Variants in RGPD6 observed in about 807,000 individuals in gnomAD.
RGPD6 encodes the protein RANBP2 like and GRIP domain containing 6.
chr2:110,604,722 A>G, the RGPD6 span, among the ~76,000 whole-genome samples: 2 of 150,778 alleles, frequency 1.3e-5, no homozygotes, highest in East Asian at 3.9e-4. Context: ...TCCAGGTTAA[A>G]AATTCCACTT....
At chr2:110,594,115 G>A in the RGPD6 span, among the ~76,000 whole-genome samples, 5 of 138,096 alleles carry the variant, frequency 3.6e-5, 1 homozygote, top group Non-Finnish European at 8.0e-5. Context: ...ATGTATTAAA[G>A]TATATAAAAG....
chr2:110,597,036 T>C, the RGPD6 span, among the ~76,000 whole-genome samples: 1 of 101,846 alleles, frequency 9.8e-6, no homozygotes, highest in African/African-American at 4.2e-5. Context: ...TGGAATGCAA[T>C]GGCGCAATCT....
chr2:110,605,194 C>CGAG, the RGPD6 span, among the ~76,000 whole-genome samples: 1 of 151,860 alleles, frequency 6.6e-6, no homozygotes, highest in East Asian at 1.9e-4. Context: ...TGCTTCCCAT[C>CGAG]GAGGGCCCCT....
the RGPD6 span, among the ~76,000 whole-genome samples, chr2:110,606,878 A>C: frequency 1.3e-5 from 2 of 151,702 alleles, no homozygotes; most frequent in Admixed American, 1.3e-4. Context: ...CTCTTTTCTG[A>C]ATCACCAGTG....
At chr2:110,604,499 C>A in the RGPD6 span, among the ~76,000 whole-genome samples, 2 of 143,150 alleles carry the variant, frequency 1.4e-5, no homozygotes, top group African/African-American at 5.3e-5. Flanking sequence ...TTGGGGCCAG[C>A]TGAATTCAGA....
At chr2:110,594,174 T>C in the RGPD6 span, among the ~76,000 whole-genome samples, 1 of 147,876 alleles carries the variant, frequency 6.8e-6, no homozygotes. Context: ...TTAAAACCCA[T>C]ATGACCATCT....
chr2:110,596,941 T>TATA, the RGPD6 span, among the ~76,000 whole-genome samples: 1 of 113,656 alleles, frequency 8.8e-6, no homozygotes, highest in African/African-American at 4.1e-5. Context: ...TTATATATAT[T>TATA]TTATATATAT....
the RGPD6 span, among the ~76,000 whole-genome samples, chr2:110,605,788 A>C: frequency 6.7e-6 from 1 of 149,140 alleles, no homozygotes; most frequent in Admixed American, 6.8e-5. Context: ...ACCAAACAAG[A>C]TCCACACTTT....
the RGPD6 span, among the ~76,000 whole-genome samples, chr2:110,604,764 GTTT>G: frequency 6.9e-6 from 1 of 145,812 alleles, no homozygotes; most frequent in Non-Finnish European, 1.5e-5. Context: ...ATATTGAGAG[GTTT>G]TTTTTTCTTA....
the RGPD6 span, among the ~76,000 whole-genome samples, chr2:110,600,144 G>A: frequency 8.4e-5 from 12 of 143,058 alleles, no homozygotes; most frequent in Admixed American, 5.6e-4. Context: ...CCACATCACT[G>A]TAACCTGAGT....
At chr2:110,604,837 G>C in the RGPD6 span, among the ~76,000 whole-genome samples, 5 of 147,444 alleles carry the variant, frequency 3.4e-5, no homozygotes, top group African/African-American at 5.1e-5. Context: ...AAGTGTCATT[G>C]ATTAGACCCA....
At chr2:110,591,503 GCT>G in the RGPD6 span, among the ~76,000 whole-genome samples, 3 of 148,504 alleles carry the variant, frequency 2.0e-5, no homozygotes, top group Middle Eastern at 3.5e-3. Context: ...TATACTCACA[GCT>G]CTTTTTCAAA....
At chr2:110,605,254 C>T in the RGPD6 span, among the ~76,000 whole-genome samples, 4 of 151,814 alleles carry the variant, frequency 2.6e-5, no homozygotes, top group Admixed American at 2.0e-4. Flanking sequence ...GCCCACAGCC[C>T]TAGCCCTGGA....
At chr2:110,599,983 A>T in the RGPD6 span, among the ~76,000 whole-genome samples, 2 of 151,342 alleles carry the variant, frequency 1.3e-5, no homozygotes, top group Non-Finnish European at 2.9e-5. Flanking sequence ...CAAATAAGAG[A>T]GTCCTGGTGT....
At chr2:110,596,958 TATA>T in the RGPD6 span, among the ~76,000 whole-genome samples, 1 of 90,096 alleles carries the variant, frequency 1.1e-5, no homozygotes, top group East Asian at 3.0e-4. Context: ...ATATAATATA[TATA>T]ATATATATTA....
the RGPD6 span, among the ~76,000 whole-genome samples, chr2:110,605,395 G>A: frequency 1.3e-5 from 2 of 150,970 alleles, no homozygotes; most frequent in African/African-American, 4.9e-5. Context: ...ACGCAGCTCT[G>A]CAGAGCTGCT....
the RGPD6 span, among the ~76,000 whole-genome samples, chr2:110,607,120 A>G: frequency 6.7e-6 from 1 of 150,148 alleles, no homozygotes; most frequent in Non-Finnish European, 1.5e-5. Context: ...AATGGCTTAT[A>G]TGTCTAGCAC....
At chr2:110,591,474 A>G in the RGPD6 span, among the ~76,000 whole-genome samples, 2 of 150,800 alleles carry the variant, frequency 1.3e-5, no homozygotes, top group African/African-American at 4.9e-5. Context: ...ATTGACTATC[A>G]AAATGTCTTT....
intron 1 of RGPD6, 49 bp downstream of exon 1, chr2:110,576,904 C>CCCCG: frequency 9.0e-7 from 1 of 1,109,988 alleles, no homozygotes; most frequent in Non-Finnish European, 1.1e-6. Context: ...CCCCCCCTCC[C>CCCCG]CCCCCGGCCG....
Sources: allele counts gnomAD v4.1 joint callset (sites outside exome capture counted in the v4.1 genomes callset), GRCh38; gene constraint gnomAD v4.1.1; transcripts MANE v1.5; gene names NCBI Gene and HGNC (gene_info 2026-07-23, HGNC 2026-07-21).